Variants in ELOA2 observed in about 807,000 individuals in gnomAD.
The protein encoded by ELOA2 is elongin-A2.
For missense variants in ELOA2, 1,271 were observed against 979.7 expected, an observed-to-expected ratio of 1.30 and a Z score of -3.97; for synonymous variants, 497 against 398.8, an observed-to-expected ratio of 1.25 and a Z score of -2.94.
Position 47,033,034 on chromosome 18 carries a change from C to G in ELOA2, c.2231G>C (p.Arg744Pro), listed in dbSNP as rs774453041. 6 of 1,614,022 alleles carry G rather than the reference C, an allele frequency of 3.7e-6. No homozygotes were observed. In the South Asian group the frequency reaches 5.5e-5, roughly 15 times the overall value. The part of the protein sequence containing the change: ...KVAPLMAKAI[R>P]DYKRRFSRR ...TCGGGAGAATCTTCTCTTGTAGTCTCGAATTGCCTTGGCCATCAGCGGGGC... is the reference window on the plus strand; with the variant it reads ...TCGGGAGAATCTTCTCTTGTAGTCTGGAATTGCCTTGGCCATCAGCGGGGC... The change falls in exon 1 of 1, where the codon CGA (arginine) becomes CCA (proline). Residue 744 changes from arginine to proline, a missense_variant. Physicochemically the swap from Arg to Pro is moderately radical, Grantham distance 103. Coordinates refer to ENST00000332567, the MANE Select transcript of ELOA2 (RefSeq NM_016427.3).
At position 47,034,413 on chromosome 18, in the gene ELOA2, T is replaced by G. The variant is rs753981239; in HGVS notation, c.852A>C (p.Glu284Asp). Reference protein sequence around the residue: ...RQPSDFKTDKEGGQAGSGQRV... With the variant: ...RQPSDFKTDKDGGQAGSGQRV... ...GCTGGCCGCTGCCAGCTTGCCCCCC[T>G]TCCTTGTCTGTCTTGAAGTCCGAAG... The change falls in exon 1 of 1, where the codon GAA (glutamate) becomes GAC (aspartate). Residue 284 changes from glutamate to aspartate, a missense_variant. Glu to Asp is a conservative substitution (Grantham distance 45). Transcript: ENST00000332567. The G allele has an allele frequency of 6.2e-7, 1 of 1,614,030 alleles. No homozygotes were observed. Among genetic ancestry groups the G allele is most frequent in the Non-Finnish European group, 8.5e-7 (1 of 1,180,030 alleles).
At position 47,035,216 on chromosome 18, in the gene ELOA2, G is replaced by A. The variant is rs925004150; in HGVS notation, c.49C>T (p.Arg17Cys). The A allele has an allele frequency of 6.8e-6, 11 of 1,612,584 alleles. No individual in the cohort carries two copies. Among genetic ancestry groups the A allele is most frequent in the Admixed American group, 1.7e-5 (1 of 59,996 alleles). The change falls in exon 1 of 1, where the codon CGT becomes TGT. Residue 17 changes from arginine (R) to cysteine (C), a missense_variant. Transcript: ENST00000332567. ...TTCGGCTCCGTCTTAGTGGCCAGAC[G>A]CACCTGCAGCTTCTCCACTGCGTGC... The part of the protein sequence containing the change: ...TLHAVEKLQV[R>C]LATKTEPKKL...
Position 47,032,722 on chromosome 18 carries a change from C to G in ELOA2, c.*281G>C. 1.9e-6 allele frequency: 1 copy of G among 536,198 alleles called. No homozygotes were observed. Among genetic ancestry groups the G allele is most frequent in the Non-Finnish European group, 3.3e-6 (1 of 306,986 alleles). 33.2% of individuals were successfully genotyped at this position (536,198 alleles called of 1,614,324 possible). A position where few individuals can be genotyped will look rare whatever the true frequency, so the allele number is the denominator to read the frequency against. On this transcript the variant is annotated 3_prime_UTR_variant, in exon 1 of 1. Transcript: ENST00000332567. ...TCTTTTTCCTTATTTATGATTACAA[C>G]TAGGGTGTTTTTAAAAATTATCAGT...
Position 47,033,533 on chromosome 18 carries a change from C to T in ELOA2, c.1732G>A (p.Val578Ile), listed in dbSNP as rs144819955. 12 of 1,614,158 alleles carry T rather than the reference C, an allele frequency of 7.4e-6. No individual in the cohort carries two copies. The highest frequency in any genetic ancestry group is 9.3e-6 in the Non-Finnish European group (11 of 1,180,038). The change falls in exon 1 of 1, where the codon GTT becomes ATT. Residue 578 changes from valine (V) to isoleucine (I), a missense_variant. Val to Ile is a conservative substitution (Grantham distance 29, BLOSUM62 3). Transcript: ENST00000332567. ...CTCCGTAATTCGTCTGTCTCTCTAA[C>T]GAGTGCGTGATTGTCTTTCTTTCTG... is the stretch of plus-strand genomic sequence containing the variant. ...YRRKKDNHALVRETDELRRNH... is the reference protein window; with the variant it reads ...YRRKKDNHALIRETDELRRNH...
chr18:47,032,941 C>G lies in ELOA2; in HGVS notation c.*62G>C. The G allele has an allele frequency of 6.2e-7, 1 of 1,611,826 alleles. No individual in the cohort carries two copies. The highest frequency in any genetic ancestry group is 1.7e-5 in the Admixed American group (1 of 59,970). ...TCCATTGGAAGTTTCGTTCCCCAAC[C>G]CGCATTGACTTTGCCAATGCAAAAA... On this transcript the variant is annotated 3_prime_UTR_variant, in exon 1 of 1. Coordinates refer to ENST00000332567, the MANE Select transcript of ELOA2 (RefSeq NM_016427.3).
At chr18:47,034,406 G>GC in the ELOA2 span, 2 of 1,613,914 alleles carry the variant, frequency 1.2e-6, no homozygotes, top group East Asian at 2.2e-5. Flanking sequence ...CTGCCAGCTT[G>GC]CCCCCCTTCC....
In ELOA2 at chr18:47,033,666, A is replaced by C. The variant is rs773610963; in HGVS notation, c.1599T>G (p.Cys533Trp). The C allele has an allele frequency of 1.9e-6, 3 of 1,614,204 alleles. No homozygotes were observed. The highest frequency in any genetic ancestry group is 2.5e-6 in the Non-Finnish European group (3 of 1,180,040). ...QLQVPTLRQQCAQVLRNNPDA... is the reference protein window; with the variant it reads ...QLQVPTLRQQWAQVLRNNPDA... ...CCGGATTGTTTCTAAGCACCTGGGCACACTGCTGGCGCAGCGTCGGCACCT... is the reference window on the plus strand; with the variant it reads ...CCGGATTGTTTCTAAGCACCTGGGCCCACTGCTGGCGCAGCGTCGGCACCT... The change falls in exon 1 of 1, where the codon TGT becomes TGG. Residue 533 changes from cysteine to tryptophan, a missense_variant. Cys to Trp is a radical substitution (Grantham distance 215). Coordinates refer to ENST00000332567, the MANE Select transcript of ELOA2 (RefSeq NM_016427.3).
In ELOA2 at chr18:47,033,474, C is replaced by G. The variant is rs1397824558; in HGVS notation, c.1791G>C (p.Lys597Asn). 6.2e-7 allele frequency: 1 copy of G among 1,614,150 alleles called. No homozygotes were observed. Among genetic ancestry groups the G allele is most frequent in the Non-Finnish European group, 8.5e-7 (1 of 1,180,048 alleles). ...CCCTCCAAGTTTTGTTTTCCTGTGGCTTTTCTTCCTTGAAGTCCTGGAAAC... is the reference window on the plus strand; with the variant it reads ...CCCTCCAAGTTTTGTTTTCCTGTGGGTTTTCTTCCTTGAAGTCCTGGAAAC... ...NHCFQDFKEEKPQENKTWREQ... is the reference protein window; with the variant it reads ...NHCFQDFKEENPQENKTWREQ... The change falls in exon 1 of 1, where the codon AAG becomes AAC. Residue 597 changes from lysine (K) to asparagine (N), a missense_variant. By Grantham distance (94) the Lys-to-Asn change is moderately conservative. Coordinates refer to ENST00000332567, the MANE Select transcript of ELOA2 (RefSeq NM_016427.3).
At chr18:47,033,941 G>A in the ELOA2 span, 1 of 1,613,002 alleles carries the variant, frequency 6.2e-7, no homozygotes, top group Non-Finnish European at 8.5e-7. Flanking sequence ...CCGGCCGCCT[G>A]CAGCCTCTCT....
Position 47,034,721 on chromosome 18 carries a change from C to T in ELOA2, c.544G>A (p.Glu182Lys), listed in dbSNP as rs139896727. 7.4e-6 allele frequency: 12 copies of T among 1,612,864 alleles called. No homozygotes were observed. Among genetic ancestry groups the T allele is most frequent in the East Asian group, 4.5e-5 (2 of 44,856 alleles). ...CCGGGCGCAGCGGGCTCAGGGCCCTCGGGCATCCGGAGGGGAGCTGTGCGC... is the reference window on the plus strand; with the variant it reads ...CCGGGCGCAGCGGGCTCAGGGCCCTTGGGCATCCGGAGGGGAGCTGTGCGC... ...PTRTAPLRMP[E>K]GPEPAAPGKQ... Residue 182 changes from glutamate to lysine, a missense_variant, in exon 1 of 1, where the codon GAG becomes AAG. Glu to Lys is a moderately conservative substitution (Grantham distance 56). Coordinates refer to ENST00000332567, the MANE Select transcript of ELOA2 (RefSeq NM_016427.3).
chr18:47,033,377 G>C lies in ELOA2; in HGVS notation c.1888C>G (p.Arg630Gly). 6.2e-7 allele frequency: 1 copy of C among 1,614,168 alleles called. No homozygotes were observed. The highest frequency in any genetic ancestry group is 8.5e-7 in the Non-Finnish European group (1 of 1,180,040). The change falls in exon 1 of 1, where the codon CGT becomes GGT. Residue 630 changes from arginine to glycine, a missense_variant. Coordinates refer to ENST00000332567, the MANE Select transcript of ELOA2 (RefSeq NM_016427.3). Reference sequence around the variant, plus strand: ...TCTCTGCCGTTGGGGTTGTTTCCACGTGCAGATCGGATATTCGTTGTCATT... The same window carrying C: ...TCTCTGCCGTTGGGGTTGTTTCCACCTGCAGATCGGATATTCGTTGTCATT... ...RVMTTNIRSARGNNPNGREAK... is the reference protein window; with the variant it reads ...RVMTTNIRSAGGNNPNGREAK...
Position 47,035,125 on chromosome 18 carries a change from G to A in ELOA2, c.140C>T (p.Thr47Ile), listed in dbSNP as rs781736406. ...GCGCTTCACCGTCTTTCTGATTCCA[G>A]TCTCCGCCAGGATGTCTGCCGTCAT... ...LPMTADILAE[T>I]GIRKTVKRLR... Residue 47 changes from threonine to isoleucine, a missense_variant, in exon 1 of 1, where the codon ACT (threonine) becomes ATT (isoleucine). Transcript: ENST00000332567. 1 of 1,611,520 alleles carries A rather than the reference G, an allele frequency of 6.2e-7. No individual in the cohort carries two copies. The highest frequency in any genetic ancestry group is 8.5e-7 in the Non-Finnish European group (1 of 1,179,676).
At position 47,033,272 on chromosome 18, in the gene ELOA2, C is replaced by A. The variant is rs780528666; in HGVS notation, c.1993G>T (p.Ala665Ser). 23 of 1,613,490 alleles carry A rather than the reference C, an allele frequency of 1.4e-5. No homozygotes were observed. Among genetic ancestry groups the A allele is most frequent in the Non-Finnish European group, 1.9e-5 (23 of 1,180,038 alleles). ...SRRQEKSAGDADPENGEIKPA... is the reference protein window; with the variant it reads ...SRRQEKSAGDSDPENGEIKPA... ...TTGATCTCCCCATTTTCGGGGTCAG[C>A]GTCTCCTGCAGACTTCTCTTGCCTC... Residue 665 changes from alanine (A) to serine (S), a missense_variant, in exon 1 of 1, where the codon GCT (alanine) becomes TCT (serine). Transcript: ENST00000332567.
chr18:47,033,933 G>A lies in ELOA2; in HGVS notation c.1332C>T (p.Ala444=), dbSNP rs776572731. Residue 444 remains alanine (A), a synonymous_variant, in exon 1 of 1, where the codon GCC becomes GCT. Transcript: ENST00000332567. ...QESQSERLQA[A]GADSAGPKTV... The stretch of plus-strand genomic sequence containing the variant: ...TTTTCGGCCCGGCGGAATCAGCGCC[G>A]GCCGCCTGCAGCCTCTCTGACTGGC... The A allele has an allele frequency of 4.3e-6, 7 of 1,612,828 alleles. No individual in the cohort carries two copies. Among genetic ancestry groups the A allele is most frequent in the Non-Finnish European group, 5.9e-6 (7 of 1,180,018 alleles).
Position 47,035,295 on chromosome 18 carries a change from CG to C in ELOA2, c.-32del, listed in dbSNP as rs2060717790. The C allele has an allele frequency of 6.2e-7, 1 of 1,611,718 alleles. No homozygotes were observed. The highest frequency in any genetic ancestry group is 8.5e-7 in the Non-Finnish European group (1 of 1,179,540). Reference sequence around the variant, plus strand: ...CAGAGCTGTGCAGGCGTCGCTGTCCCGGCGGTCGCAGCTCTGTCTTTGGGGC... The same window carrying C: ...CAGAGCTGTGCAGGCGTCGCTGTCCCGCGGTCGCAGCTCTGTCTTTGGGGC... On this transcript the variant is annotated 5_prime_UTR_variant, in exon 1 of 1. The change abolishes the stop of an existing upstream ORF in the 5' untranslated region. Coordinates refer to ENST00000332567, the MANE Select transcript of ELOA2 (RefSeq NM_016427.3).
rs769379578 is a variant in ELOA2 at position 47,034,457 on chromosome 18, T to G, written c.808A>C (p.Ser270Arg). The change falls in exon 1 of 1, where the codon AGT becomes CGT. Residue 270 changes from serine (S) to arginine (R), a missense_variant. By Grantham distance (110) the Ser-to-Arg change is moderately radical (BLOSUM62 -1). Transcript: ENST00000332567. ...TCCGAAGGCTGCCTGTCCCTGGCAC[T>G]TGCCCAGGAGGGCATCCTTGGGGTT... The part of the protein sequence containing the change: ...EETPRMPSWA[S>R]ARDRQPSDFK... The G allele has an allele frequency of 6.2e-7, 1 of 1,614,062 alleles. No individual in the cohort carries two copies. The highest frequency in any genetic ancestry group is 1.7e-5 in the Admixed American group (1 of 60,016).
Position 47,034,025 on chromosome 18 carries a change from C to T in ELOA2, c.1240G>A (p.Ala414Thr). The change falls in exon 1 of 1, where the codon GCA (alanine) becomes ACA (threonine). Residue 414 changes from alanine (A) to threonine (T), a missense_variant. By Grantham distance (58) the Ala-to-Thr change is moderately conservative. Coordinates refer to ENST00000332567, the MANE Select transcript of ELOA2 (RefSeq NM_016427.3). ...TTALGDKQRK[A>T]NESKGTRESW... is the part of the protein sequence containing the mutation. ...TCACGAGTGCCCTTGGATTCGTTTG[C>T]TTTCCTTTGTTTATCTCCAAGTGCA... The T allele has an allele frequency of 6.2e-7, 1 of 1,614,200 alleles. No homozygotes were observed. The highest frequency in any genetic ancestry group is 1.1e-5 in the South Asian group (1 of 91,080).
In ELOA2 at chr18:47,035,161, G is replaced by A; in HGVS notation, c.104C>T (p.Ser35Phe). The A allele has an allele frequency of 6.2e-7, 1 of 1,612,118 alleles. No homozygotes were observed. The highest frequency in any genetic ancestry group is 8.5e-7 in the Non-Finnish European group (1 of 1,179,832). Residue 35 changes from serine (S) to phenylalanine (F), a missense_variant, in exon 1 of 1, where the codon TCC becomes TTC. Transcript: ENST00000332567. ...GATGTCTGCCGTCATGGGCAAGGCG[G>A]AGAGTTTCTGCAAATATTTCTCTAG... is the stretch of plus-strand genomic sequence containing the variant. ...KKLEKYLQKL[S>F]ALPMTADILA...
At position 47,032,665 on chromosome 18, in the gene ELOA2, A is replaced by T. The variant is rs1252399212; in HGVS notation, c.*338T>A. On this transcript the variant is annotated 3_prime_UTR_variant, in exon 1 of 1. Coordinates refer to ENST00000332567, the MANE Select transcript of ELOA2 (RefSeq NM_016427.3). ...GAAGTTCTTATCTACTTGATTTCGA[A>T]AAAAAAAAGAAAGGAAAAAGGAAAT... is the stretch of plus-strand genomic sequence containing the variant. 1 of 355,676 alleles carries T rather than the reference A, an allele frequency of 2.8e-6. No individual in the cohort carries two copies. The highest frequency in any genetic ancestry group is 5.9e-5 in the East Asian group (1 of 17,066). 22.0% of individuals were successfully genotyped at this position (355,676 alleles called of 1,614,324 possible).
Sources: allele counts gnomAD v4.1 joint callset, GRCh38; gene constraint gnomAD v4.1.1; transcripts MANE v1.5; gene names NCBI Gene and HGNC (gene_info 2026-07-23, HGNC 2026-07-21).